LRP1B: variants seen among roughly 807,000 people sequenced by gnomAD.
LRP1B encodes low-density lipoprotein receptor-related protein 1B.
Under a neutral mutation model 556.6 loss-of-function variants are expected in LRP1B, and 217 were observed. The observed-to-expected ratio is 0.39, with a 90% CI of 0.35 to 0.44. LRP1B has a LOEUF of 0.44. LRP1B is among the 20% of genes least tolerant of loss of function. LRP1B has a pLI of 1.00. For synonymous variants in LRP1B, 2,047 were observed against 1,865.8 expected, an observed-to-expected ratio of 1.10 and a Z score of -2.50; for missense variants, 5,053 against 5,620.8, an observed-to-expected ratio of 0.90 and a Z score of 3.23.
In LRP1B at chr2:141,140,303, T is replaced by A. The variant is rs144547918; in HGVS notation, c.1013+48118A>T. On this transcript the variant is annotated intron_variant, in intron 7 of 90. Coordinates refer to ENST00000389484, the MANE Select transcript of LRP1B (RefSeq NM_018557.3). ...TCATCACGTCTTTCAACCGTGTCGC[T>A]TATTGAACGTCAATTATATAATAAT... 1.8e-3 allele frequency among the ~76,000 whole-genome samples: 275 copies of A among 152,244 alleles called. 1 individual carries two copies. Among genetic ancestry groups the A allele is most frequent in the African/African-American group, 6.4e-3 (267 of 41,546 alleles).
At chr2:140,395,480 C>T (rs553578150) in intron 66 of LRP1B, among the ~76,000 whole-genome samples, 2 of 152,330 alleles carry the variant, frequency 1.3e-5, no homozygotes, top group African/African-American at 4.8e-5. Flanking sequence ...CCTCAATGAG[C>T]ACTTACAGGG....
chr2:140,614,758 T>C (rs767296700), intron 41 of LRP1B, among the ~76,000 whole-genome samples: 21 of 152,196 alleles, frequency 1.4e-4, no homozygotes, highest in Non-Finnish European at 2.4e-4. Context: ...CCATATAACA[T>C]TGACTTCTTA....
intron 56 of LRP1B, among the ~76,000 whole-genome samples, chr2:140,495,267 C>T (rs1008498598): frequency 2.6e-5 from 4 of 151,146 alleles, no homozygotes; most frequent in Non-Finnish European, 4.4e-5. Flanking sequence ...GCCAAACTTG[C>T]TCCCAAGAAC....
At chr2:140,469,078 T>C (rs571305038) in intron 60 of LRP1B, among the ~76,000 whole-genome samples, 92 of 152,324 alleles carry the variant, frequency 6.0e-4, no homozygotes, top group Non-Finnish European at 1.0e-3. Context: ...CAAATAAGTG[T>C]ATTTTGCACA....
chr2:141,469,908 AG>A (rs1682396048), intron 3 of LRP1B, among the ~76,000 whole-genome samples: 1 of 152,180 alleles, frequency 6.6e-6, no homozygotes, highest in South Asian at 2.1e-4. Context: ...AGAGAGAAAA[AG>A]AGACCACGTT....
intron 7 of LRP1B, among the ~76,000 whole-genome samples, chr2:141,177,954 C>G (rs1680810261): frequency 6.6e-6 from 1 of 151,922 alleles, no homozygotes; most frequent in East Asian, 1.9e-4. Flanking sequence ...AAAGAGAAAG[C>G]CAAGGGAGTG....
At chr2:140,235,226 T>C (rs1341471120) in intron 89 of LRP1B, among the ~76,000 whole-genome samples, 1 of 151,248 alleles carries the variant, frequency 6.6e-6, no homozygotes, top group East Asian at 2.0e-4. Context: ...TTCAAACTGT[T>C]CTGTGGTTAC....
intron 1 of LRP1B, among the ~76,000 whole-genome samples, chr2:142,015,350 A>C (rs1450393078): frequency 6.6e-6 from 1 of 152,192 alleles, no homozygotes; most frequent in Non-Finnish European, 1.5e-5. Flanking sequence ...CCCCTTTCTT[A>C]CATCTTACAC....
chr2:141,788,961 C>A (rs1464280279), intron 2 of LRP1B, among the ~76,000 whole-genome samples: 1 of 151,944 alleles, frequency 6.6e-6, no homozygotes, highest in East Asian at 1.9e-4. Context: ...GGTTCCAAGT[C>A]TTTGCTATTG....
intron 2 of LRP1B, among the ~76,000 whole-genome samples, chr2:141,541,026 A>T (rs1349810600): frequency 6.6e-6 from 1 of 152,040 alleles, no homozygotes; most frequent in Non-Finnish European, 1.5e-5. Context: ...TAGCACTTTC[A>T]TATTCCAAAA....
At chr2:141,477,749 A>G (rs4544370) in intron 3 of LRP1B, among the ~76,000 whole-genome samples, 40,282 of 152,086 alleles carry the variant, frequency 0.26, 6,473 homozygotes, top group East Asian at 0.61. Flanking sequence ...GATGCTATGT[A>G]GTGTGCAAGG....
intron 3 of LRP1B, among the ~76,000 whole-genome samples, chr2:141,315,954 T>C (rs896501259): frequency 4.0e-5 from 6 of 149,580 alleles, no homozygotes; most frequent in African/African-American, 1.2e-4. Flanking sequence ...CTTTATGGCT[T>C]TGTATTTTTT....
intron 14 of LRP1B, among the ~76,000 whole-genome samples, chr2:141,008,404 T>A (rs1697642671): frequency 6.6e-6 from 1 of 151,132 alleles, no homozygotes. Context: ...AAATTATCAT[T>A]TATTTCTAAT....
intron 79 of LRP1B, among the ~76,000 whole-genome samples, chr2:140,333,311 G>GC (rs1558809301): frequency 6.6e-6 from 1 of 151,966 alleles, no homozygotes; most frequent in African/African-American, 2.4e-5. Context: ...TTTCTGTATA[G>GC]CATGTATAAC....
At chr2:141,511,950 A>T (rs1684146067) in intron 2 of LRP1B, among the ~76,000 whole-genome samples, 3 of 152,198 alleles carry the variant, frequency 2.0e-5, no homozygotes, top group Admixed American at 2.0e-4. Context: ...TTAATGGATC[A>T]GACATTTAGA....
At chr2:141,111,227 C>T (rs774074907) in intron 7 of LRP1B, among the ~76,000 whole-genome samples, 2 of 151,876 alleles carry the variant, frequency 1.3e-5, no homozygotes, top group Non-Finnish European at 2.9e-5. Context: ...AAGCATGTAA[C>T]AAACATGACA....
chr2:140,519,052 C>T (rs7594769), intron 49 of LRP1B, among the ~76,000 whole-genome samples: 150,351 of 152,296 alleles, frequency 0.99, 74,240 homozygotes, highest in Middle Eastern at 1. Flanking sequence ...AATTTATAGA[C>T]GCAATGCCAT....
chr2:140,541,705 GA>G (rs2105019261), intron 44 of LRP1B, 73 bp downstream of exon 44: 1 of 1,126,512 alleles, frequency 8.9e-7, no homozygotes, highest in Non-Finnish European at 1.2e-6. Context: ...ACTATTACTA[GA>G]AAACATATAT....
Position 140,495,694 on chromosome 2 carries a change from T to C in LRP1B, c.8905A>G (p.Ile2969Val), listed in dbSNP as rs1688894048. ...LKDDGKTCVD[I>V]DECSSGFPCS... The stretch of plus-strand genomic sequence containing the variant: ...GGAAAGCCTGAAGAGCATTCATCAA[T>C]GTCTACACATGTTTTGCCGTCATCC... Residue 2969 changes from isoleucine (I) to valine (V), a missense_variant, in exon 56 of 91, where the codon ATT becomes GTT. Physicochemically the swap from Ile to Val is conservative, Grantham distance 29. This residue lies in a region of LRP1B where 3,619 missense variants were observed against 3,931.9 expected (regional missense o/e 0.92). Transcript: ENST00000389484. The C allele has an allele frequency of 1.1e-5, 18 of 1,613,676 alleles. No homozygotes were observed. Among genetic ancestry groups the C allele is most frequent in the Middle Eastern group, 1.7e-4 (1 of 6,056 alleles).
Sources: gnomAD v4.1 joint callset for allele counts (sites outside exome capture counted in the v4.1 genomes callset) on GRCh38, gnomAD v4.1.1 for gene constraint, gnomAD v4.1.1 regional missense constraint, MANE v1.5 for transcripts, NCBI Gene and HGNC (gene_info 2026-07-23, HGNC 2026-07-21) for gene names.